The following MINDY4 variants were observed in gnomAD, a reference collection of about 807,000 sequenced individuals.
MINDY4 encodes probable ubiquitin carboxyl-terminal hydrolase MINDY-4.
MINDY4 carries 68 observed loss-of-function variants against 87.0 expected under a neutral mutation model. The ratio of observed to expected loss-of-function variants is 0.78; its 90% CI spans 0.64 to 0.96. The LOEUF is 0.96. MINDY4 is among the 40% of genes least tolerant of loss of function. MINDY4 has a pLI of 0.00. For synonymous variants in MINDY4, 379 were observed against 363.2 expected (o/e 1.04, Z -0.50); for missense variants, 919 against 928.2 (o/e 0.99, Z 0.13).
chr7:30,810,174 CAAAAAAAA>C lies in MINDY4; in HGVS notation c.1074-18489_1074-18482del, dbSNP rs58498956. ...TGGGCGACAGAGCAAGACTCTGTTT[CAAAAAAAA>C]AAAAAAAAAAAAAAAGAAATGTTTA... On this transcript the variant is annotated intron_variant, in intron 5 of 17. Coordinates refer to ENST00000265299, the MANE Select transcript of MINDY4 (RefSeq NM_032222.3). 3.1e-4 allele frequency among the ~76,000 whole-genome samples: 21 copies of C among 66,708 alleles called. No homozygotes were observed. In the South Asian group the frequency reaches 0.011, roughly 36 times the overall value. The allele number at this position is 66,708 out of a possible 152,430, so 43.8% of individuals were successfully genotyped here.
chr7:30,813,764 G>A lies in MINDY4; in HGVS notation c.1074-14915G>A, dbSNP rs77519584. Among the ~76,000 whole-genome samples the A allele has an allele frequency of 7.0e-3, 1,063 of 152,298 alleles. 8 individuals are homozygous for A. The highest frequency in any genetic ancestry group is 0.012 in the Non-Finnish European group (807 of 68,026). On this transcript the variant is annotated intron_variant, in intron 5 of 17. Coordinates refer to ENST00000265299, the MANE Select transcript of MINDY4 (RefSeq NM_032222.3). The stretch of plus-strand genomic sequence containing the variant: ...GCTCTCTGGTTTTATGTGTATGAGT[G>A]GTGTAATGCTCAAAATTTGCAAAGC...
At position 30,771,444 on chromosome 7, in the gene MINDY4, T is replaced by C; in HGVS notation, c.-50T>C. ...ACTGCGCCGGACAGACCCAGTTGCC[T>C]GGTGCTGCGGCCCGGCGTGGGCCTC... On this transcript the variant is annotated 5_prime_UTR_variant, in exon 1 of 18. Coordinates refer to ENST00000265299, the MANE Select transcript of MINDY4 (RefSeq NM_032222.3). 4 of 1,573,092 alleles carry C rather than the reference T, an allele frequency of 2.5e-6. No homozygotes were observed. Among genetic ancestry groups the C allele is most frequent in the Admixed American group, 1.9e-5 (1 of 52,920 alleles).
At chr7:30,846,036 G>A (rs80253417) in intron 9 of MINDY4, among the ~76,000 whole-genome samples, 5,416 of 152,234 alleles carry the variant, frequency 0.036, 142 homozygotes, top group East Asian at 0.11. Context: ...AGGCGGGTGC[G>A]GATCTGAGAG....
chr7:30,798,575 C>G (rs542397647), intron 5 of MINDY4, among the ~76,000 whole-genome samples: 1 of 152,264 alleles, frequency 6.6e-6, no homozygotes, highest in Non-Finnish European at 1.5e-5. Flanking sequence ...TGGCTCACTG[C>G]AAGCTCCGCC....
intron 13 of MINDY4, among the ~76,000 whole-genome samples, chr7:30,860,580 C>G (rs1456037260): frequency 6.6e-6 from 1 of 152,140 alleles, no homozygotes; most frequent in Non-Finnish European, 1.5e-5. Flanking sequence ...GCTGCACTCT[C>G]AGGAGGGCCA....
chr7:30,822,907 G>C (rs1393674262), intron 5 of MINDY4, among the ~76,000 whole-genome samples: 1 of 151,962 alleles, frequency 6.6e-6, no homozygotes, highest in East Asian at 1.9e-4. Context: ...GCCTCCCAAA[G>C]GGCTGAGATT....
Position 30,791,266 on chromosome 7 carries a change from C to T in MINDY4, c.765C>T (p.Thr255=). 6.2e-7 allele frequency: 1 copy of T among 1,614,154 alleles called. No homozygotes were observed. Among genetic ancestry groups the T allele is most frequent in the Non-Finnish European group, 8.5e-7 (1 of 1,180,016 alleles). ...SRKVPELFVC[T]QQDILASSNS... is the part of the protein sequence containing the mutation. ...AGGTCCCTGAGCTCTTTGTCTGCAC[C>T]CAACAGGACATTCTGGCTTCGAGCA... The change falls in exon 5 of 18, where the codon ACC becomes ACT. Residue 255 remains threonine (T), a synonymous_variant. Transcript: ENST00000265299.
intron 5 of MINDY4, among the ~76,000 whole-genome samples, chr7:30,823,056 AT>A (rs914242287): frequency 2.1e-4 from 31 of 148,470 alleles, no homozygotes; most frequent in Middle Eastern, 3.6e-3. Flanking sequence ...TACATTAAGC[AT>A]TTTTTTTTTG....
chr7:30,861,647 C>T (rs1313644907), intron 13 of MINDY4, among the ~76,000 whole-genome samples: 2 of 152,218 alleles, frequency 1.3e-5, no homozygotes, highest in Non-Finnish European at 2.9e-5. Flanking sequence ...GTGGGAATTC[C>T]TGCCTCATAA....
chr7:30,859,399 G>A (rs1218150191), intron 13 of MINDY4, 75 bp downstream of exon 13: 11 of 1,393,486 alleles, frequency 7.9e-6, no homozygotes, highest in Non-Finnish European at 1.1e-5. Flanking sequence ...CTAGAGCCCA[G>A]GATGGTGCTT....
At chr7:30,782,324 G>C (rs1584231254) in intron 3 of MINDY4, 112 bp downstream of exon 3, 1 of 766,802 alleles carries the variant, frequency 1.3e-6, no homozygotes. Flanking sequence ...AATCAATATA[G>C]TCTCTGTGTG....
At chr7:30,783,978 A>G (rs938671712) in intron 3 of MINDY4, among the ~76,000 whole-genome samples, 1 of 152,200 alleles carries the variant, frequency 6.6e-6, no homozygotes, top group Non-Finnish European at 1.5e-5. Context: ...AAGACACTGC[A>G]GTCCCCAGTA....
chr7:30,883,917 C>T (rs544815461), intron 17 of MINDY4, among the ~76,000 whole-genome samples: 5 of 152,232 alleles, frequency 3.3e-5, no homozygotes, highest in Non-Finnish European at 7.4e-5. Context: ...CCCACTTTGT[C>T]ATCTGTAAAA....
intron 12 of MINDY4, among the ~76,000 whole-genome samples, chr7:30,854,505 C>T (rs1453940528): frequency 6.6e-6 from 1 of 151,998 alleles, no homozygotes. Flanking sequence ...GAGACCCCCA[C>T]TACGAAGCAG....
At chr7:30,792,813 T>C (rs938298110) in intron 5 of MINDY4, among the ~76,000 whole-genome samples, 1 of 152,090 alleles carries the variant, frequency 6.6e-6, no homozygotes, top group Non-Finnish European at 1.5e-5. Flanking sequence ...TTTGGCTTTA[T>C]GTTTGTTTTC....
intron 12 of MINDY4, among the ~76,000 whole-genome samples, chr7:30,856,363 T>C (rs1483745391): frequency 6.6e-6 from 1 of 152,088 alleles, no homozygotes; most frequent in Admixed American, 6.5e-5. Flanking sequence ...TGCCATTTAG[T>C]GTGTTCCAGC....
chr7:30,791,654 G>A lies in MINDY4; in HGVS notation c.1073+80G>A, dbSNP rs114125123. ...ATGTTGTCTAGTCCCTAATGGCTCC[G>A]AAGGGAACTTCTTAGTCTCCTTGGT... On this transcript the variant is annotated intron_variant, in intron 5 of 17. Coordinates refer to ENST00000265299, the MANE Select transcript of MINDY4 (RefSeq NM_032222.3). 779 of 1,407,480 alleles carry A rather than the reference G, an allele frequency of 5.5e-4. 2 individuals carry two copies. The African/African-American group carries it at 7.0e-3, about 13-fold the overall frequency. The allele number at this position is 1,407,480 out of a possible 1,614,324, so 87.2% of individuals were successfully genotyped here. A position where few individuals can be genotyped will look rare whatever the true frequency, so the allele number is the denominator to read the frequency against.
intron 14 of MINDY4, among the ~76,000 whole-genome samples, chr7:30,873,711 A>G (rs1790174582): frequency 6.6e-6 from 1 of 152,204 alleles, no homozygotes; most frequent in Non-Finnish European, 1.5e-5. Context: ...CACCATCTCA[A>G]GAAGGCTTCC....
chr7:30,777,077 A>G (rs1442242343), intron 1 of MINDY4, among the ~76,000 whole-genome samples: 1 of 148,140 alleles, frequency 6.8e-6, no homozygotes, highest in African/African-American at 2.5e-5. Context: ...TGGTGTAATC[A>G]TAGCTCACTG....
Sources: gnomAD v4.1 joint callset for allele counts (sites outside exome capture counted in the v4.1 genomes callset) on GRCh38, gnomAD v4.1.1 for gene constraint, MANE v1.5 for transcripts, NCBI Gene and HGNC (gene_info 2026-07-23, HGNC 2026-07-21) for gene names.